MTUS2: variants seen among roughly 807,000 people sequenced by gnomAD.
MTUS2 encodes the protein microtubule associated scaffold protein 2.
MTUS2 carries 40 observed loss-of-function variants against 114.1 expected under a neutral mutation model. That is an observed-to-expected ratio of 0.35 (90% CI 0.27 to 0.46). MTUS2 has a LOEUF of 0.46. Among genes scored for constraint, MTUS2 ranks in the 20% least tolerant of loss-of-function variants. The pLI, the probability that MTUS2 is intolerant of heterozygous loss-of-function variation, is 1.00. For synonymous variants in MTUS2, 688 were observed against 672.0 expected (o/e 1.02, Z -0.37); for missense variants, 1,679 against 1,705.4 (o/e 0.98, Z 0.27).
chr13:29,065,005 A>G (rs888569013), intron 4 of MTUS2, among the ~76,000 whole-genome samples: 2 of 152,060 alleles, frequency 1.3e-5, no homozygotes, highest in Non-Finnish European at 2.9e-5. Context: ...TATGTTCCAC[A>G]TTTTCCTTAT....
intron 5 of MTUS2, among the ~76,000 whole-genome samples, chr13:29,126,491 A>C (rs1891521833): frequency 6.6e-6 from 1 of 152,168 alleles, no homozygotes. Flanking sequence ...TCCAAAGCTA[A>C]AGTAATTTCT....
At chr13:29,052,413 G>A (rs576000207) in intron 4 of MTUS2, among the ~76,000 whole-genome samples, 30 of 144,828 alleles carry the variant, frequency 2.1e-4, no homozygotes, top group South Asian at 6.7e-4. Context: ...CCTGGGAGGC[G>A]GAGGTTGCAG....
At chr13:29,076,504 C>T (rs1304564151) in intron 4 of MTUS2, among the ~76,000 whole-genome samples, 1 of 152,196 alleles carries the variant, frequency 6.6e-6, no homozygotes, top group East Asian at 1.9e-4. Context: ...GTTAGTTCTA[C>T]ACATCTGAAG....
chr13:29,046,317 T>A (rs570100595), intron 4 of MTUS2, among the ~76,000 whole-genome samples: 1 of 152,190 alleles, frequency 6.6e-6, no homozygotes, highest in Non-Finnish European at 1.5e-5. Context: ...GGTCTCTGTA[T>A]GTTGCCCAGG....
Position 29,160,744 on chromosome 13 carries a change from T to TG in MTUS2, c.2644+59777dup, listed in dbSNP as rs1370234012. On this transcript the variant is annotated intron_variant, in intron 5 of 15. Transcript: ENST00000612955. The stretch of plus-strand genomic sequence containing the variant: ...GAGACTGGGCCACTGTACTCCAGCC[T>TG]GGGTGACAGAGCGAGACTCCGTCTC... Among the ~76,000 whole-genome samples the TG allele has an allele frequency of 3.5e-4, 53 of 149,462 alleles. 1 individual carries two copies. Among genetic ancestry groups the TG allele is most frequent in the Admixed American group, 8.1e-4 (12 of 14,842 alleles).
chr13:29,469,495 T>C (rs979246390), intron 9 of MTUS2, among the ~76,000 whole-genome samples: 5 of 151,538 alleles, frequency 3.3e-5, no homozygotes, highest in Non-Finnish European at 7.4e-5. Context: ...GGCGTGGTGG[T>C]GGGCGCCTGT....
At chr13:29,177,359 A>G (rs1435581639) in intron 5 of MTUS2, among the ~76,000 whole-genome samples, 2 of 150,920 alleles carry the variant, frequency 1.3e-5, no homozygotes, top group East Asian at 3.9e-4. Context: ...CATAAAAAAT[A>G]CTGAAAAGAA....
intron 2 of MTUS2, among the ~76,000 whole-genome samples, chr13:28,851,328 T>G (rs1383476396): frequency 6.6e-6 from 1 of 152,254 alleles, no homozygotes; most frequent in East Asian, 1.9e-4. Context: ...CACATACATT[T>G]GTCCATTGAC....
chr13:29,381,266 G>A (rs1015493196), intron 8 of MTUS2, among the ~76,000 whole-genome samples: 2 of 152,080 alleles, frequency 1.3e-5, no homozygotes, highest in Non-Finnish European at 2.9e-5. Flanking sequence ...TGAGAAGAAA[G>A]TTTGCAACTG....
chr13:28,966,088 C>A (rs1462162425), intron 2 of MTUS2, among the ~76,000 whole-genome samples: 2 of 152,134 alleles, frequency 1.3e-5, no homozygotes, highest in African/African-American at 4.8e-5. Flanking sequence ...ATTTTCCCTA[C>A]CATTGTTAAC....
intron 4 of MTUS2, among the ~76,000 whole-genome samples, chr13:29,040,807 G>GT (rs1593411442): frequency 6.6e-6 from 1 of 151,982 alleles, no homozygotes; most frequent in African/African-American, 2.4e-5. Context: ...GGGATTATTT[G>GT]TTTTTTTCTT....
intron 5 of MTUS2, among the ~76,000 whole-genome samples, chr13:29,246,068 GTCATATAAAA>G (rs1163424590): frequency 3.3e-5 from 5 of 152,132 alleles, no homozygotes; most frequent in African/African-American, 1.2e-4. Context: ...GTATATTTAT[GTCATATAAAA>G]TCCTTTGTAA....
chr13:28,971,908 C>T (rs573252495), intron 2 of MTUS2, among the ~76,000 whole-genome samples: 1 of 152,270 alleles, frequency 6.6e-6, no homozygotes, highest in South Asian at 2.1e-4. Context: ...AATAAAGTAA[C>T]CGATGCAATT....
chr13:29,121,225 T>C (rs1438965547), intron 5 of MTUS2, among the ~76,000 whole-genome samples: 1 of 152,194 alleles, frequency 6.6e-6, no homozygotes, highest in Non-Finnish European at 1.5e-5. Context: ...TCCCTGAAAA[T>C]GTCTTTGATT....
chr13:29,280,205 A>G (rs1460031160), intron 5 of MTUS2, among the ~76,000 whole-genome samples: 2 of 152,224 alleles, frequency 1.3e-5, no homozygotes, highest in Non-Finnish European at 2.9e-5. Context: ...TGCATCAAAC[A>G]TATTTTTTAT....
intron 8 of MTUS2, among the ~76,000 whole-genome samples, chr13:29,376,171 C>A (rs559112214): frequency 6.6e-6 from 1 of 152,210 alleles, no homozygotes; most frequent in East Asian, 1.9e-4. Flanking sequence ...ATAGACTCTT[C>A]TTTCCCTATT....
Position 28,823,620 on chromosome 13 carries a change from T to G in MTUS2, c.-316+3009T>G, listed in dbSNP as rs532509201. Among the ~76,000 whole-genome samples, 139 of 152,312 alleles carry G rather than the reference T, an allele frequency of 9.1e-4. 1 individual carries two copies. The South Asian group carries it at 0.028, about 30-fold the overall frequency. On this transcript the variant is annotated intron_variant, in intron 1 of 15. Transcript: ENST00000612955. ...CCCTCTTCTCAACTGGGCCTCAACC[T>G]TGGCCCGTAAGAACTGCAGCTTTCA...
At chr13:29,471,870 G>A (rs967219542) in intron 9 of MTUS2, among the ~76,000 whole-genome samples, 5 of 152,122 alleles carry the variant, frequency 3.3e-5, no homozygotes, top group Admixed American at 3.3e-4. Context: ...TATGAGGCAG[G>A]TGCTTGGCAC....
chr13:28,898,047 TAAAAAAAAAGA>T (rs1879393873), intron 2 of MTUS2, among the ~76,000 whole-genome samples: 1 of 150,728 alleles, frequency 6.6e-6, no homozygotes, highest in South Asian at 2.1e-4. Flanking sequence ...ACTTAAAGTA[TAAAAAAAAAGA>T]ACAGGTTGAA....
Sources: gnomAD v4.1 joint callset for allele counts (sites outside exome capture counted in the v4.1 genomes callset) on GRCh38, gnomAD v4.1.1 for gene constraint, MANE v1.5 for transcripts, NCBI Gene and HGNC (gene_info 2026-07-23, HGNC 2026-07-21) for gene names.